The following MGA variants were observed in gnomAD, a reference collection of about 807,000 sequenced individuals.
MGA encodes MAX gene-associated protein.
MGA carries 40 observed loss-of-function variants against 261.1 expected under a neutral mutation model. That is an observed-to-expected ratio of 0.15 (90% confidence interval 0.12 to 0.20). MGA has a LOEUF of 0.20. Ranked by LOEUF, MGA falls within the 10% of genes least tolerant of loss-of-function variation. MGA has a pLI of 1.00. For synonymous variants in MGA, 1,302 were observed against 1,290.6 expected, an observed-to-expected ratio of 1.01 and a Z score of -0.19; for missense variants, 3,397 against 3,630.5, an observed-to-expected ratio of 0.94 and a Z score of 1.65.
intron 1 of MGA, among the ~76,000 whole-genome samples, chr15:41,633,009 T>C (rs1286009415): frequency 6.6e-6 from 1 of 151,582 alleles, no homozygotes; most frequent in Non-Finnish European, 1.5e-5. Context: ...TGGAGTGCAA[T>C]GACATGATCT....
intron 14 of MGA, among the ~76,000 whole-genome samples, chr15:41,740,789 A>G (rs574625980): frequency 2.5e-4 from 38 of 152,322 alleles, no homozygotes; most frequent in Non-Finnish European, 4.9e-4. Context: ...TATAAATACA[A>G]TTTTGAAAGT....
At chr15:41,690,829 T>C (rs1181672574) in intron 2 of MGA, among the ~76,000 whole-genome samples, 1 of 152,124 alleles carries the variant, frequency 6.6e-6, no homozygotes, top group Non-Finnish European at 1.5e-5. Context: ...CAGTGAGGTA[T>C]GATTGCACCA....
At chr15:41,712,699 A>C (rs1307846009) in intron 8 of MGA, among the ~76,000 whole-genome samples, 1 of 152,126 alleles carries the variant, frequency 6.6e-6, no homozygotes, top group Non-Finnish European at 1.5e-5. Flanking sequence ...GGGACCAGCA[A>C]ACTTTTTCTG....
intron 8 of MGA, 44 bp from the exon 9 acceptor site, chr15:41,713,107 G>A: frequency 6.3e-7 from 1 of 1,588,116 alleles, no homozygotes; most frequent in South Asian, 1.1e-5. Flanking sequence ...TGGTGGTGTA[G>A]GGGGATGGTT....
upstream of MGA, among the ~76,000 whole-genome samples, chr15:41,658,436 T>G (rs1001107651): frequency 6.6e-6 from 1 of 152,130 alleles, no homozygotes; most frequent in South Asian, 2.1e-4. Flanking sequence ...ATTTAAGTGG[T>G]TACTCAAAGC....
At chr15:41,683,137 C>T (rs2058760354) in intron 2 of MGA, among the ~76,000 whole-genome samples, 1 of 152,156 alleles carries the variant, frequency 6.6e-6, no homozygotes, top group Non-Finnish European at 1.5e-5. Context: ...CCCCCTTCTG[C>T]TTTCAGAACC....
intron 1 of MGA, among the ~76,000 whole-genome samples, chr15:41,653,550 A>T (rs2057109629): frequency 2.0e-5 from 3 of 151,796 alleles, no homozygotes; most frequent in Admixed American, 6.6e-5. Context: ...TACGTTAAAA[A>T]ATATATATAT....
chr15:41,735,294 A>G (rs1413021065), intron 12 of MGA, among the ~76,000 whole-genome samples: 3 of 152,226 alleles, frequency 2.0e-5, no homozygotes, highest in African/African-American at 7.2e-5. Flanking sequence ...CTAGTGAAAT[A>G]CATGTCTAGT....
intron 2 of MGA, among the ~76,000 whole-genome samples, chr15:41,682,236 A>G (rs1370002543): frequency 2.0e-5 from 3 of 151,848 alleles, no homozygotes; most frequent in East Asian, 1.9e-4. Flanking sequence ...ATTATTTAAT[A>G]AAATCTTTTG....
intron 1 of MGA, among the ~76,000 whole-genome samples, chr15:41,624,321 C>G (rs1168115678): frequency 1.3e-5 from 2 of 151,930 alleles, no homozygotes; most frequent in Non-Finnish European, 2.9e-5. Flanking sequence ...GATCTCAGCT[C>G]ACTGCAACTT....
intron 7 of MGA, 96 bp downstream of exon 7, chr15:41,708,304 T>C (rs542119917): frequency 1.1e-6 from 1 of 897,062 alleles, no homozygotes; most frequent in South Asian, 1.8e-5. Flanking sequence ...TCATTCCTTC[T>C]CGCCATGGGT....
chr15:41,683,344 TC>T (rs1442105730), intron 2 of MGA, among the ~76,000 whole-genome samples: 2 of 151,806 alleles, frequency 1.3e-5, no homozygotes, highest in African/African-American at 4.8e-5. Context: ...CACCTCAGCC[TC>T]CTGAGTAGTT....
chr15:41,735,663 G>C (rs970678732), intron 12 of MGA, among the ~76,000 whole-genome samples: 1 of 151,984 alleles, frequency 6.6e-6, no homozygotes, highest in African/African-American at 2.4e-5. Context: ...CTTGAACCTG[G>C]GAGGCAGAGG....
chr15:41,676,387 C>T (rs571456779), intron 2 of MGA, among the ~76,000 whole-genome samples: 33 of 152,352 alleles, frequency 2.2e-4, no homozygotes, highest in African/African-American at 7.9e-4. Context: ...CCAGGCCGGT[C>T]TCATGATCTG....
chr15:41,715,460 T>G (rs2060585439), intron 9 of MGA, among the ~76,000 whole-genome samples: 1 of 152,130 alleles, frequency 6.6e-6, no homozygotes, highest in Admixed American at 6.5e-5. Flanking sequence ...TTTCTCTACC[T>G]TGAGATTATA....
chr15:41,713,004 A>G, intron 8 of MGA, 147 bp from the exon 9 acceptor site: 1 of 1,195,686 alleles, frequency 8.4e-7, no homozygotes. Context: ...CCCTGGTTAG[A>G]TTCATGTTCT....
intron 17 of MGA, among the ~76,000 whole-genome samples, chr15:41,753,644 C>A (rs75839202): frequency 0.032 from 4,929 of 152,144 alleles, 129 homozygotes; most frequent in South Asian, 0.07. Context: ...CAGGACTAGG[C>A]TGTATCCTAT....
Position 41,754,453 on chromosome 15 carries a change from A to G in MGA, c.7025A>G (p.Tyr2342Cys). Residue 2342 changes from tyrosine to cysteine, a missense_variant, in exon 18 of 24, where the codon TAC (tyrosine) becomes TGC (cysteine). Tyr to Cys is a radical substitution (Grantham distance 194). Transcript: ENST00000219905. The stretch of plus-strand genomic sequence containing the variant: ...GTATTTCAGAATAACTGTGTAGAAT[A>G]CATTGAGGATGATGAGGAGCACGTG... 2 of 1,552,218 alleles carry G rather than the reference A, an allele frequency of 1.3e-6. No homozygotes were observed. The highest frequency in any genetic ancestry group is 1.2e-5 in the South Asian group (1 of 83,686).
chr15:41,696,760 G>A lies in MGA; in HGVS notation c.1750G>A (p.Gly584Ser). ...CTCACTTTCAGGAAAAGAGGACTTG[G>A]GCAGAAAGAGAACAACTATGCTTAA... Residue 584 changes from glycine (G) to serine (S), a missense_variant, in exon 3 of 24, where the codon GGC becomes AGC. Gly to Ser is a moderately conservative substitution (Grantham distance 56). Around this residue, in one of 9 missense-constraint regions of MGA, gnomAD observed 563 missense variants for 563.6 expected, o/e 1.00. Transcript: ENST00000219905. 3.7e-6 allele frequency: 6 copies of A among 1,609,876 alleles called. No homozygotes were observed. The highest frequency in any genetic ancestry group is 4.2e-6 in the Non-Finnish European group (5 of 1,178,048).
Sources: gnomAD v4.1 joint callset for allele counts (sites outside exome capture counted in the v4.1 genomes callset) on GRCh38, gnomAD v4.1.1 for gene constraint, gnomAD v4.1.1 regional missense constraint, MANE v1.5 for transcripts, NCBI Gene and HGNC (gene_info 2026-07-23, HGNC 2026-07-21) for gene names.